HOMER1: variants seen among roughly 807,000 people sequenced by gnomAD.
HOMER1 encodes the protein homer scaffold protein 1.
A neutral mutation model predicts 48.9 loss-of-function variants in HOMER1; 3 were observed. The observed-to-expected ratio is 0.06, with a 90% CI of 0.03 to 0.16. HOMER1 has a LOEUF of 0.16. HOMER1 is among the 10% of genes least tolerant of loss of function. HOMER1 has a pLI of 1.00. For synonymous variants in HOMER1, 134 were observed against 146.4 expected, an observed-to-expected ratio of 0.92 and a Z score of 0.61; for missense variants, 247 against 411.4, an observed-to-expected ratio of 0.60 and a Z score of 3.46.
intron 8 of HOMER1, among the ~76,000 whole-genome samples, chr5:79,389,326 T>C (rs1749191007): frequency 6.6e-6 from 1 of 152,170 alleles, no homozygotes; most frequent in Non-Finnish European, 1.5e-5. Flanking sequence ...ATGAGCTCTT[T>C]TGCAACCATC....
Position 79,392,055 on chromosome 5 carries a change from G to A in HOMER1, c.876+4768C>T, listed in dbSNP as rs539321398. 4.6e-5 allele frequency among the ~76,000 whole-genome samples: 7 copies of A among 152,056 alleles called. No individual in the cohort carries two copies. In the East Asian group the frequency reaches 7.7e-4, roughly 17 times the overall value. Reference sequence around the variant, plus strand: ...TGATGCCGATATAAATAAATCTACCGTGCTGTCAGCTGTATAAATGCATAG... The same window carrying A: ...TGATGCCGATATAAATAAATCTACCATGCTGTCAGCTGTATAAATGCATAG... On this transcript the variant is annotated intron_variant, in intron 8 of 8. Coordinates refer to ENST00000334082, the MANE Select transcript of HOMER1 (RefSeq NM_004272.5).
intron 5 of HOMER1, among the ~76,000 whole-genome samples, chr5:79,422,705 T>A (rs976077522): frequency 1.3e-5 from 2 of 152,058 alleles, no homozygotes; most frequent in Admixed American, 1.3e-4. Context: ...GGCCCTTTAA[T>A]GAATAGACTT....
chr5:79,497,997 G>A (rs980272798), intron 1 of HOMER1, among the ~76,000 whole-genome samples: 1 of 152,138 alleles, frequency 6.6e-6, no homozygotes, highest in Non-Finnish European at 1.5e-5. Context: ...TCAAGGTCTC[G>A]AGGTGATTCT....
intron 5 of HOMER1, among the ~76,000 whole-genome samples, chr5:79,403,603 C>G (rs577131743): frequency 6.6e-5 from 10 of 152,054 alleles, no homozygotes; most frequent in Non-Finnish European, 1.5e-5. Flanking sequence ...CAGGAAATAA[C>G]AGTTAAATGC....
At chr5:79,430,936 A>T (rs944649443) in intron 5 of HOMER1, among the ~76,000 whole-genome samples, 1 of 146,728 alleles carries the variant, frequency 6.8e-6, no homozygotes, top group Non-Finnish European at 1.5e-5. Flanking sequence ...AAATAAAAAT[A>T]AAAAAAAAAT....
At chr5:79,394,863 C>A (rs1031580987) in intron 8 of HOMER1, among the ~76,000 whole-genome samples, 8 of 152,176 alleles carry the variant, frequency 5.3e-5, no homozygotes, top group African/African-American at 1.9e-4. Context: ...AGCAACTATG[C>A]CTGGCTTCAA....
chr5:79,491,738 A>G (rs934608489), intron 1 of HOMER1, among the ~76,000 whole-genome samples: 1 of 152,212 alleles, frequency 6.6e-6, no homozygotes, highest in African/African-American at 2.4e-5. Flanking sequence ...GTAGCAAAAA[A>G]CCAAAAACCC....
intron 5 of HOMER1, among the ~76,000 whole-genome samples, chr5:79,425,987 C>G (rs1750237784): frequency 6.6e-6 from 1 of 151,272 alleles, no homozygotes; most frequent in Non-Finnish European, 1.5e-5. Flanking sequence ...TGAAGGGAAC[C>G]TTTCTCCATT....
intron 1 of HOMER1, among the ~76,000 whole-genome samples, chr5:79,482,864 A>G (rs1232777084): frequency 6.6e-6 from 1 of 151,942 alleles, no homozygotes; most frequent in Non-Finnish European, 1.5e-5. Context: ...ATAGCTGGAC[A>G]TGGTGGCTCA....
chr5:79,460,867 A>C (rs561618195), intron 1 of HOMER1, among the ~76,000 whole-genome samples: 13 of 152,348 alleles, frequency 8.5e-5, no homozygotes, highest in Non-Finnish European at 1.8e-4. Flanking sequence ...CAAAGAAGGA[A>C]TCTGAGTCTC....
At chr5:79,429,850 C>T (rs1750370921) in intron 5 of HOMER1, among the ~76,000 whole-genome samples, 1 of 151,952 alleles carries the variant, frequency 6.6e-6, no homozygotes, top group South Asian at 2.1e-4. Flanking sequence ...GGTGAAACCC[C>T]GTCTCTACTA....
intron 3 of HOMER1, among the ~76,000 whole-genome samples, chr5:79,448,261 T>C (rs1488773646): frequency 6.6e-6 from 1 of 152,180 alleles, no homozygotes; most frequent in African/African-American, 2.4e-5. Context: ...CTCACTCACA[T>C]TGGTGGAAAT....
rs566522688 is a variant in HOMER1 at position 79,381,702 on chromosome 5, T to C, written c.877-5505A>G. ...GAGTTTGAGACCAGCCTGGTCAACA[T>C]GGTGAAACCTGTCTCTCCTAAAAAT... is the stretch of plus-strand genomic sequence containing the variant. On this transcript the variant is annotated intron_variant, in intron 8 of 8. Coordinates refer to ENST00000334082, the MANE Select transcript of HOMER1 (RefSeq NM_004272.5). Among the ~76,000 whole-genome samples the C allele has an allele frequency of 2.2e-4, 33 of 152,280 alleles. 1 individual carries two copies. The South Asian group carries it at 6.4e-3, about 30-fold the overall frequency.
Position 79,512,824 on chromosome 5 carries a change from T to G in HOMER1, c.-50A>C. 6.3e-7 allele frequency: 1 copy of G among 1,598,514 alleles called. No individual in the cohort carries two copies. Among genetic ancestry groups the G allele is most frequent in the Non-Finnish European group, 8.6e-7 (1 of 1,166,046 alleles). On this transcript the variant is annotated 5_prime_UTR_variant, in exon 1 of 9. Coordinates refer to ENST00000334082, the MANE Select transcript of HOMER1 (RefSeq NM_004272.5). ...AAGTTTCAGCTCTTATGCTACGGAA[T>G]AACTTCCAAAGGAATTTCTCCGTCT...
intron 1 of HOMER1, among the ~76,000 whole-genome samples, chr5:79,501,495 T>C (rs1191842708): frequency 1.3e-5 from 2 of 152,144 alleles, no homozygotes; most frequent in African/African-American, 4.8e-5. Context: ...CAAGGGACAA[T>C]TGTATAATGC....
chr5:79,487,365 A>G (rs560419291), intron 1 of HOMER1, among the ~76,000 whole-genome samples: 6 of 152,354 alleles, frequency 3.9e-5, no homozygotes, highest in African/African-American at 1.4e-4. Flanking sequence ...TTGAACATAC[A>G]AAAAGAGAAA....
intron 1 of HOMER1, among the ~76,000 whole-genome samples, chr5:79,501,831 A>G (rs547871610): frequency 1.1e-3 from 170 of 152,292 alleles, no homozygotes; most frequent in African/African-American, 3.9e-3. Context: ...CATAAAAAGT[A>G]CAGTTTAGTG....
chr5:79,431,181 G>A (rs527841536), intron 5 of HOMER1, among the ~76,000 whole-genome samples: 183 of 151,972 alleles, frequency 1.2e-3, no homozygotes, highest in African/African-American at 4.1e-3. Flanking sequence ...AATATTAGCC[G>A]GCATAGTGGT....
chr5:79,417,421 C>T (rs1161732029), intron 5 of HOMER1, among the ~76,000 whole-genome samples: 2 of 152,174 alleles, frequency 1.3e-5, no homozygotes, highest in Non-Finnish European at 2.9e-5. Context: ...GGATTATAGG[C>T]GTGAGCCACC....
Sources: gnomAD v4.1 joint callset for allele counts (sites outside exome capture counted in the v4.1 genomes callset) on GRCh38, gnomAD v4.1.1 for gene constraint, MANE v1.5 for transcripts, NCBI Gene and HGNC (gene_info 2026-07-23, HGNC 2026-07-21) for gene names.